The following GOLIM4 variants were observed in gnomAD, a reference collection of about 807,000 sequenced individuals.
GOLIM4 encodes the protein 130 kDa golgi-localized phosphoprotein.
In GOLIM4, 71 loss-of-function variants were observed where a neutral mutation model predicts 107.4. That is an observed-to-expected ratio of 0.66 (90% confidence interval 0.55 to 0.81). The LOEUF is 0.81. Ranked by LOEUF, GOLIM4 falls within the 30% of genes least tolerant of loss-of-function variation. The pLI, the probability that GOLIM4 is intolerant of heterozygous loss-of-function variation, is 0.00. For missense variants in GOLIM4, 830 were observed against 826.1 expected (o/e 1.00, Z -0.06); for synonymous variants, 327 against 294.8 (o/e 1.11, Z -1.12).
rs777884111 is a variant in GOLIM4 at position 168,095,185 on chromosome 3, T to C, written c.101A>G (p.Tyr34Cys). 1.2e-6 allele frequency: 2 copies of C among 1,613,358 alleles called. No individual in the cohort carries two copies. The highest frequency in any genetic ancestry group is 1.7e-4 in the Middle Eastern group (1 of 6,056). The change falls in exon 1 of 16, where the codon TAC (tyrosine) becomes TGC (cysteine). Residue 34 changes from tyrosine to cysteine, a missense_variant. By Grantham distance (194) the Tyr-to-Cys change is radical. Coordinates refer to ENST00000470487, the MANE Select transcript of GOLIM4 (RefSeq NM_014498.5). ...FGFLYGAMLYYELQTQLRKAE... is the reference protein window; with the variant it reads ...FGFLYGAMLYCELQTQLRKAE... The stretch of plus-strand genomic sequence containing the variant: ...TTTCCGCAGCTGCGTCTGCAGCTCG[T>C]AGTAGAGCATCGCGCCGTAGAGAAA...
intron 13 of GOLIM4, 26 bp from the exon 14 acceptor site, chr3:168,024,620 A>G (rs755021901): frequency 6.3e-7 from 1 of 1,576,498 alleles, no homozygotes; most frequent in African/African-American, 1.3e-5. Context: ...GGGCAGGTTC[A>G]TGTTACTGTA....
chr3:168,030,166 AT>A, intron 9 of GOLIM4, 130 bp from the exon 10 acceptor site: 1 of 868,916 alleles, frequency 1.2e-6, no homozygotes. Flanking sequence ...GTGAACTGTG[AT>A]TATACATGAA....
At chr3:168,083,990 T>C (rs1157876096) in intron 1 of GOLIM4, among the ~76,000 whole-genome samples, 1 of 152,226 alleles carries the variant, frequency 6.6e-6, no homozygotes, top group East Asian at 1.9e-4. Context: ...TTACACTGTT[T>C]ATCAATCTCT....
intron 1 of GOLIM4, 93 bp downstream of exon 1, chr3:168,095,006 C>T (rs1577588001): frequency 1.1e-6 from 1 of 937,034 alleles, no homozygotes; most frequent in East Asian, 2.6e-5. Context: ...GTGGCAACCA[C>T]AGTGCCAATA....
At chr3:168,019,771 T>C (rs1717582364) in intron 14 of GOLIM4, among the ~76,000 whole-genome samples, 1 of 152,202 alleles carries the variant, frequency 6.6e-6, no homozygotes, top group South Asian at 2.1e-4. Flanking sequence ...CACATATTTT[T>C]TAAATCACAT....
intron 14 of GOLIM4, among the ~76,000 whole-genome samples, chr3:168,020,530 C>T (rs1408541427): frequency 1.3e-5 from 2 of 152,128 alleles, no homozygotes; most frequent in East Asian, 3.9e-4. Flanking sequence ...TCAAGGTGAT[C>T]CTTATTCACA....
At chr3:168,093,206 A>G (rs756148706) in intron 1 of GOLIM4, among the ~76,000 whole-genome samples, 1 of 152,258 alleles carries the variant, frequency 6.6e-6, no homozygotes, top group African/African-American at 2.4e-5. Context: ...TCCATCGTCC[A>G]TCATAGGCCG....
At chr3:168,053,952 C>A (rs931566368) in intron 1 of GOLIM4, among the ~76,000 whole-genome samples, 1 of 152,164 alleles carries the variant, frequency 6.6e-6, no homozygotes, top group Admixed American at 6.5e-5. Flanking sequence ...AAGGCTGACA[C>A]AGGACTCTCC....
chr3:168,075,054 G>A (rs576148085), intron 1 of GOLIM4, among the ~76,000 whole-genome samples: 28 of 152,236 alleles, frequency 1.8e-4, no homozygotes, highest in Non-Finnish European at 3.4e-4. Flanking sequence ...TAAGTAGTCA[G>A]TAGAAATGTT....
intron 5 of GOLIM4, among the ~76,000 whole-genome samples, chr3:168,041,885 A>C (rs1317140073): frequency 2.0e-5 from 3 of 152,032 alleles, no homozygotes; most frequent in Admixed American, 6.5e-5. Context: ...ATAATTTAAA[A>C]TTTTAAAAAT....
rs545867299 is a variant in GOLIM4, at chr3:168,095,334, T to C, written c.-49A>G. 42 of 1,550,460 alleles carry C rather than the reference T, an allele frequency of 2.7e-5. No individual in the cohort carries two copies. The African/African-American group carries it at 4.4e-4, about 16-fold the overall frequency. ...CGGCCGCCCCCGCCGTCTCCTCCCC[T>C]TGGTCCGAGCGAGCGTCTCAGCAGC... is the stretch of plus-strand genomic sequence containing the variant. On this transcript the variant is annotated 5_prime_UTR_variant, in exon 1 of 16. Transcript: ENST00000470487.
intron 1 of GOLIM4, among the ~76,000 whole-genome samples, chr3:168,077,054 G>T (rs1333320255): frequency 6.6e-6 from 1 of 152,098 alleles, no homozygotes; most frequent in Non-Finnish European, 1.5e-5. Context: ...ACACAAATGT[G>T]ACTAAAATTA....
At chr3:168,052,700 G>A (rs1375747179) in intron 1 of GOLIM4, among the ~76,000 whole-genome samples, 2 of 152,058 alleles carry the variant, frequency 1.3e-5, no homozygotes, top group East Asian at 1.9e-4. Flanking sequence ...TTTGAGCTGT[G>A]ATTTATCTAG....
At chr3:168,053,115 G>A (rs764884194) in intron 1 of GOLIM4, among the ~76,000 whole-genome samples, 15 of 152,134 alleles carry the variant, frequency 9.9e-5, no homozygotes, top group South Asian at 2.1e-4. Flanking sequence ...GTTTAAAAAC[G>A]TGCCAGCTTC....
intron 12 of GOLIM4, among the ~76,000 whole-genome samples, chr3:168,025,678 A>G (rs1161195418): frequency 6.6e-6 from 1 of 152,190 alleles, no homozygotes. Context: ...TTTATTAACA[A>G]TCATTCCCAT....
intron 1 of GOLIM4, among the ~76,000 whole-genome samples, chr3:168,068,547 T>C (rs1273134426): frequency 2.0e-5 from 3 of 152,016 alleles, no homozygotes; most frequent in African/African-American, 7.3e-5. Context: ...TCCAGTAAGA[T>C]ACCGCAATGT....
rs369555416 is a variant in GOLIM4, at chr3:168,024,910, C to T, written c.1791+18G>A. 6.2e-7 allele frequency: 1 copy of T among 1,606,014 alleles called. No individual in the cohort carries two copies. Among genetic ancestry groups the T allele is most frequent in the Non-Finnish European group, 8.5e-7 (1 of 1,173,222 alleles). ...AATAGCCCAGTTAAATCCACCCTTCCTCGTGGCATCTGCTTACCACCAAAT... is the reference window on the plus strand; with the variant it reads ...AATAGCCCAGTTAAATCCACCCTTCTTCGTGGCATCTGCTTACCACCAAAT... On this transcript the variant is annotated intron_variant, in intron 13 of 15. Transcript: ENST00000470487.
chr3:168,047,043 C>T (rs1331357713), intron 2 of GOLIM4, 44 bp from the exon 3 acceptor site: 1 of 913,972 alleles, frequency 1.1e-6, no homozygotes, highest in East Asian at 2.8e-5. Context: ...ATTCACTACA[C>T]AGATTTTAAA....
At chr3:168,046,024 C>T (rs2108250255) in intron 3 of GOLIM4, among the ~76,000 whole-genome samples, 1 of 152,218 alleles carries the variant, frequency 6.6e-6, no homozygotes, top group African/African-American at 2.4e-5. Context: ...GGAATAGAGG[C>T]ATGTGTACCA....
Sources: allele counts gnomAD v4.1 joint callset (sites outside exome capture counted in the v4.1 genomes callset), GRCh38; gene constraint gnomAD v4.1.1; transcripts MANE v1.5; gene names NCBI Gene and HGNC (gene_info 2026-07-23, HGNC 2026-07-21).